Variants in VSX2 observed in about 807,000 individuals in gnomAD.
VSX2 encodes the protein visual system homeobox 2.
VSX2 carries 28 observed loss-of-function variants against 32.1 expected under a neutral mutation model. That is an observed-to-expected ratio of 0.87 (90% CI 0.65 to 1.20). The LOEUF is 1.20. Among genes scored for constraint, VSX2 ranks in the 50% most tolerant of loss-of-function variants. The pLI, the probability that VSX2 is intolerant of heterozygous loss-of-function variation, is 0.00. For synonymous variants in VSX2, 243 were observed against 214.1 expected (o/e 1.14, Z -1.18); for missense variants, 506 against 488.7 (o/e 1.04, Z -0.33).
intron 3 of VSX2, among the ~76,000 whole-genome samples, chr14:74,248,024 G>A (rs1453801267): frequency 6.6e-6 from 1 of 152,012 alleles, no homozygotes; most frequent in Non-Finnish European, 1.5e-5. Flanking sequence ...GACAGATGGG[G>A]AACCTGAGGC....
intron 3 of VSX2, among the ~76,000 whole-genome samples, chr14:74,256,904 C>A (rs2079267172): frequency 6.6e-6 from 1 of 151,930 alleles, no homozygotes; most frequent in African/African-American, 2.4e-5. Context: ...AAACTCCTGA[C>A]CTCAGGTGAT....
intron 3 of VSX2, among the ~76,000 whole-genome samples, chr14:74,250,110 C>T (rs377713116): frequency 3.3e-5 from 5 of 152,044 alleles, no homozygotes; most frequent in African/African-American, 9.7e-5. Flanking sequence ...TGTGGTGACA[C>T]ATGCTGGTCC....
chr14:74,240,651 G>A (rs2079143210), intron 1 of VSX2, among the ~76,000 whole-genome samples: 1 of 152,158 alleles, frequency 6.6e-6, no homozygotes, highest in Non-Finnish European at 1.5e-5. Flanking sequence ...GTTTTACTTT[G>A]TTTTACGTGG....
chr14:74,247,387 C>T (rs181387863), intron 3 of VSX2, among the ~76,000 whole-genome samples: 60 of 152,338 alleles, frequency 3.9e-4, no homozygotes, highest in African/African-American at 1.4e-3. Flanking sequence ...CAGAGCCTCT[C>T]AGTCTTCATC....
Position 74,239,544 on chromosome 14 carries a change from C to T in VSX2, c.-18C>T. 1 of 1,550,756 alleles carries T rather than the reference C, an allele frequency of 6.4e-7. No homozygotes were observed. Among genetic ancestry groups the T allele is most frequent in the African/African-American group, 1.4e-5 (1 of 73,152 alleles). Reference sequence around the variant, plus strand: ...GAGCTAAAGACCTGCGGCCTCAGCCCCTCCAAAGAACAGGGAGATGACGGG... The same window carrying T: ...GAGCTAAAGACCTGCGGCCTCAGCCTCTCCAAAGAACAGGGAGATGACGGG... On this transcript the variant is annotated 5_prime_UTR_variant, in exon 1 of 5. Transcript: ENST00000261980.
chr14:74,249,715 A>G (rs894046758), intron 3 of VSX2, among the ~76,000 whole-genome samples: 1 of 152,210 alleles, frequency 6.6e-6, no homozygotes, highest in Non-Finnish European at 1.5e-5. Context: ...ATGAGATCCT[A>G]TGAGATAGAC....
At chr14:74,255,925 G>C (rs2079259845) in intron 3 of VSX2, among the ~76,000 whole-genome samples, 1 of 152,206 alleles carries the variant, frequency 6.6e-6, no homozygotes, top group African/African-American at 2.4e-5. Flanking sequence ...GTGTGAACAT[G>C]TACATAAATG....
chr14:74,252,077 A>G (rs1460178460), intron 3 of VSX2, among the ~76,000 whole-genome samples: 3 of 152,218 alleles, frequency 2.0e-5, no homozygotes, highest in African/African-American at 7.2e-5. Context: ...TGATTGAGGG[A>G]TGGAACCCTG....
At position 74,239,694 on chromosome 14, in the gene VSX2, C is replaced by T. The variant is rs1274933802; in HGVS notation, c.133C>T (p.Pro45Ser). Residue 45 changes from proline (P) to serine (S), a missense_variant, in exon 1 of 5, where the codon CCG (proline) becomes TCG (serine). Pro to Ser is a moderately conservative substitution (Grantham distance 74). Transcript: ENST00000261980. ...QEILGLNKEP[P>S]SSHPRAALDG... is the part of the protein sequence containing the mutation. ...GATCCTGGGCTTGAACAAGGAGCCC[C>T]CGAGCTCCCACCCGCGGGCAGCGCT... 1.9e-6 allele frequency: 3 copies of T among 1,549,820 alleles called. No homozygotes were observed. Among genetic ancestry groups the T allele is most frequent in the East Asian group, 2.4e-5 (1 of 40,918 alleles).
intron 3 of VSX2, among the ~76,000 whole-genome samples, chr14:74,250,761 G>C (rs2079223097): frequency 6.6e-6 from 1 of 151,310 alleles, no homozygotes; most frequent in Non-Finnish European, 1.5e-5. Context: ...CAATTCTCCT[G>C]CCTCAGCCTC....
In VSX2 at chr14:74,254,784, A is replaced by ATTTTTTTTTTTTTTTTTTTTTTTTTTTT. The variant is rs537753574; in HGVS notation, c.580-4805_580-4804insTTTTTTTTTTTTTTTTTTTTTTTTTTTT. On this transcript the variant is annotated intron_variant, in intron 3 of 4. Coordinates refer to ENST00000261980, the MANE Select transcript of VSX2 (RefSeq NM_182894.3). ...ATCCTCCAAAAACCCCGAAAAGTGG[A>ATTTTTTTTTTTTTTTTTTTTTTTTTTTT]TTTTTTTTTTTTTGAGACGCAGTCT... Among the ~76,000 whole-genome samples, 217 of 116,544 alleles carry ATTTTTTTTTTTTTTTTTTTTTTTTTTTT rather than the reference A, an allele frequency of 1.9e-3. 28 individuals are homozygous for ATTTTTTTTTTTTTTTTTTTTTTTTTTTT. The highest frequency in any genetic ancestry group is 4.6e-3 in the African/African-American group (139 of 30,300). 76.5% of individuals were successfully genotyped at this position (116,544 alleles called of 152,430 possible).
chr14:74,260,685 G>A lies in VSX2; in HGVS notation c.852G>A (p.Glu284=). The A allele has an allele frequency of 6.3e-7, 1 of 1,597,712 alleles. No individual in the cohort carries two copies. Among genetic ancestry groups the A allele is most frequent in the Non-Finnish European group, 8.5e-7 (1 of 1,172,834 alleles). Residue 284 remains glutamate (E), a synonymous_variant, in exon 5 of 5, where the codon GAG becomes GAA. Coordinates refer to ENST00000261980, the MANE Select transcript of VSX2 (RefSeq NM_182894.3). The stretch of plus-strand genomic sequence containing the variant: ...CCCTGCCCAAGCTCGACAAGATGGA[G>A]CAGGACGAGCGGGGCCCCGACGCTC... ...RQALPKLDKM[E]QDERGPDAQA... is the part of the protein sequence containing the mutation.
At chr14:74,250,883 G>A (rs924531358) in intron 3 of VSX2, among the ~76,000 whole-genome samples, 5 of 151,626 alleles carry the variant, frequency 3.3e-5, no homozygotes, top group South Asian at 2.1e-4. Context: ...TCTTGACCTC[G>A]TGATCTGCCC....
In VSX2 at chr14:74,260,877, G is replaced by A. The variant is rs747657718; in HGVS notation, c.1044G>A (p.Pro348=). Residue 348 remains proline, a synonymous_variant, in exon 5 of 5, where the codon CCG becomes CCA. Transcript: ENST00000261980. The stretch of plus-strand genomic sequence containing the variant: ...AGGAGGCCATGGATGAAGACAGGCC[G>A]GCGGAGAGGCTCAGTCCACCGCAGC... ...EEEEAMDEDR[P]AERLSPPQLE... 9 of 1,566,526 alleles carry A rather than the reference G, an allele frequency of 5.7e-6. No homozygotes were observed. Among genetic ancestry groups the A allele is most frequent in the Middle Eastern group, 1.8e-4 (1 of 5,700 alleles).
At chr14:74,243,434 G>T (rs941388618) in intron 2 of VSX2, among the ~76,000 whole-genome samples, 4 of 152,250 alleles carry the variant, frequency 2.6e-5, no homozygotes, top group African/African-American at 7.2e-5. Context: ...AAGTTTGGGA[G>T]ATTTGAGTTT....
chr14:74,241,744 A>G (rs2079151650), intron 2 of VSX2, among the ~76,000 whole-genome samples: 1 of 152,098 alleles, frequency 6.6e-6, no homozygotes, highest in African/African-American at 2.4e-5. Flanking sequence ...ACCGTTCTCC[A>G]AAGCTGGAGC....
chr14:74,239,897 G>A lies in VSX2; in HGVS notation c.336G>A (p.Ser112=), dbSNP rs752313464. 194 of 1,571,616 alleles carry A rather than the reference G, an allele frequency of 1.2e-4. 1 individual carries two copies. The Admixed American group carries it at 3.5e-3, about 28-fold the overall frequency. ...SVHLQPLGRA[S]GPLDTSQTAS... Reference sequence around the variant, plus strand: ...ACTTGCAGCCATTGGGCAGAGCATCGGGGCCGCTGGACACCAGCCAGACGG... The same window carrying A: ...ACTTGCAGCCATTGGGCAGAGCATCAGGGCCGCTGGACACCAGCCAGACGG... Residue 112 remains serine, a synonymous_variant, in exon 1 of 5, where the codon TCG becomes TCA. Coordinates refer to ENST00000261980, the MANE Select transcript of VSX2 (RefSeq NM_182894.3).
intron 2 of VSX2, among the ~76,000 whole-genome samples, chr14:74,244,925 T>TGAGAGAGA (rs1161610243): frequency 2.4e-5 from 1 of 42,022 alleles, no homozygotes; most frequent in African/African-American, 6.3e-5. Context: ...TGTGTGTGTG[T>TGAGAGAGA]GTGTGAAAGA....
intron 1 of VSX2, among the ~76,000 whole-genome samples, chr14:74,240,693 C>T (rs1349552529): frequency 1.3e-5 from 2 of 152,210 alleles, no homozygotes; most frequent in Non-Finnish European, 2.9e-5. Flanking sequence ...GTCGCAGGCT[C>T]TCGGGCCTCG....
Sources: allele counts gnomAD v4.1 joint callset (sites outside exome capture counted in the v4.1 genomes callset), GRCh38; gene constraint gnomAD v4.1.1; transcripts MANE v1.5; gene names NCBI Gene and HGNC (gene_info 2026-07-23, HGNC 2026-07-21).